The following HSPA4L variants were observed in gnomAD, a reference collection of about 807,000 sequenced individuals.
HSPA4L encodes heat shock protein family A (Hsp70) member 4 like.
A neutral mutation model predicts 100.3 loss-of-function variants in HSPA4L; 48 were observed. The ratio of observed to expected loss-of-function variants is 0.48; its 90% CI spans 0.38 to 0.61. The LOEUF (loss-of-function observed/expected upper bound fraction) is 0.61, where lower values mean the gene tolerates loss of function less well. Among genes scored for constraint, HSPA4L ranks in the 20% least tolerant of loss-of-function variants. The pLI, the probability that HSPA4L is intolerant of heterozygous loss-of-function variation, is 0.00. For synonymous variants in HSPA4L, 319 were observed against 328.2 expected, an observed-to-expected ratio of 0.97 and a Z score of 0.30; for missense variants, 886 against 988.6, an observed-to-expected ratio of 0.90 and a Z score of 1.39.
At chr4:127,808,230 G>A in intron 11 of HSPA4L, 101 bp downstream of exon 11, 2 of 953,374 alleles carry the variant, frequency 2.1e-6, no homozygotes. Flanking sequence ...AAGCCAGTAT[G>A]GGACTTTTAA....
chr4:127,803,513 A>G, intron 6 of HSPA4L, 116 bp from the exon 7 acceptor site: 1 of 1,003,014 alleles, frequency 1.0e-6, no homozygotes, highest in South Asian at 2.1e-5. Context: ...CTGTGATTGG[A>G]CAAGTTTTTT....
intron 1 of HSPA4L, among the ~76,000 whole-genome samples, chr4:127,786,321 C>A (rs1464782375): frequency 6.6e-6 from 1 of 152,094 alleles, no homozygotes; most frequent in Non-Finnish European, 1.5e-5. Context: ...ATGGCATATA[C>A]GTAACTAGGT....
At chr4:127,801,099 C>A in intron 4 of HSPA4L, 39 bp from the exon 5 acceptor site, 1 of 1,429,590 alleles carries the variant, frequency 7.0e-7, no homozygotes, top group Admixed American at 1.9e-5. Context: ...AAAATGTTTA[C>A]ATAAAACATT....
intron 13 of HSPA4L, among the ~76,000 whole-genome samples, chr4:127,819,166 G>C (rs2148795574): frequency 6.6e-6 from 1 of 152,146 alleles, no homozygotes; most frequent in East Asian, 1.9e-4. Flanking sequence ...ATTTTTCTAT[G>C]TGTAAAAATT....
At chr4:127,804,992 CT>C in intron 8 of HSPA4L, 80 bp from the exon 9 acceptor site, 1 of 849,626 alleles carries the variant, frequency 1.2e-6, no homozygotes, top group Non-Finnish European at 1.8e-6. Flanking sequence ...AGTCAATCCA[CT>C]TTTTAAAAAA....
intron 14 of HSPA4L, among the ~76,000 whole-genome samples, chr4:127,820,994 G>T (rs940581162): frequency 1.3e-5 from 2 of 151,898 alleles, no homozygotes; most frequent in Non-Finnish European, 2.9e-5. Flanking sequence ...TTTCTTACAT[G>T]TTCTTTTCTA....
chr4:127,790,806 A>G (rs1019376196), intron 1 of HSPA4L, among the ~76,000 whole-genome samples: 4 of 152,244 alleles, frequency 2.6e-5, no homozygotes, highest in Non-Finnish European at 4.4e-5. Context: ...CAATAAAAGC[A>G]TATGAGCTAC....
intron 17 of HSPA4L, 74 bp from the exon 18 acceptor site, chr4:127,830,564 A>G (rs1734052289): frequency 8.3e-7 from 1 of 1,209,994 alleles, no homozygotes. Flanking sequence ...AAATTTTTAA[A>G]GTAGAAATTA....
intron 12 of HSPA4L, chr4:127,813,234 C>T (rs575246902): frequency 2.1e-5 from 20 of 968,178 alleles, no homozygotes; most frequent in South Asian, 3.9e-5. Context: ...CGGTTCCAGC[C>T]GAAAGGCGAT....
intron 1 of HSPA4L, among the ~76,000 whole-genome samples, chr4:127,783,870 A>G (rs2148772435): frequency 6.6e-6 from 1 of 152,362 alleles, no homozygotes; most frequent in South Asian, 2.1e-4. Context: ...TTTCTTTCCA[A>G]GAAGATTCTA....
intron 12 of HSPA4L, among the ~76,000 whole-genome samples, chr4:127,815,408 G>A (rs1432770401): frequency 2.0e-5 from 3 of 151,726 alleles, no homozygotes; most frequent in Admixed American, 6.6e-5. Context: ...ATCAAGCCCC[G>A]GGTACTTTGG....
rs1315923086 is a variant in HSPA4L, at chr4:127,837,502, T to C, written c.*4628T>C. On this transcript the variant is annotated 3_prime_UTR_variant, in exon 19 of 19. Coordinates refer to ENST00000296464, the MANE Select transcript of HSPA4L (RefSeq NM_014278.4). Reference sequence around the variant, plus strand: ...TATTATCCTCTTACTACCTACAGTATGTTTTGCAAAAATCAGTCCACTTAG... The same window carrying C: ...TATTATCCTCTTACTACCTACAGTACGTTTTGCAAAAATCAGTCCACTTAG... 1 of 152,218 alleles carries C rather than the reference T, an allele frequency of 6.6e-6. No homozygotes were observed. The highest frequency in any genetic ancestry group is 6.5e-5 in the Admixed American group (1 of 15,286). The allele number at this position is 152,218 out of a possible 1,614,324, so 9.4% of individuals were successfully genotyped here.
intron 16 of HSPA4L, among the ~76,000 whole-genome samples, chr4:127,824,981 A>G (rs1465718170): frequency 6.6e-6 from 1 of 152,008 alleles, no homozygotes; most frequent in African/African-American, 2.4e-5. Flanking sequence ...CTAAAAAAAA[A>G]TACAAAAAAT....
At position 127,818,472 on chromosome 4, in the gene HSPA4L, T is replaced by G; in HGVS notation, c.1674+52T>G. 4 of 1,142,720 alleles carry G rather than the reference T, an allele frequency of 3.5e-6. No homozygotes were observed. In the East Asian group the frequency reaches 7.2e-5, roughly 20 times the overall value. The allele number at this position is 1,142,720 out of a possible 1,614,324, so 70.8% of individuals were successfully genotyped here. ...GTCTTTTTGAAATTGATATTTTGAA[T>G]TATTGTATTTAATGCTTTCTTTTAA... On this transcript the variant is annotated intron_variant, in intron 13 of 18. Coordinates refer to ENST00000296464, the MANE Select transcript of HSPA4L (RefSeq NM_014278.4).
At chr4:127,831,856 C>T (rs929764413) in intron 18 of HSPA4L, among the ~76,000 whole-genome samples, 16 of 149,514 alleles carry the variant, frequency 1.1e-4, no homozygotes, top group East Asian at 4.0e-4. Context: ...GATTTTTTTT[C>T]TTTTTTTTTA....
chr4:127,809,245 G>T, intron 11 of HSPA4L: 1 of 1,396,340 alleles, frequency 7.2e-7, no homozygotes, highest in Non-Finnish European at 1.0e-6. Flanking sequence ...GAGAAAAGAA[G>T]ACTACTTATG....
Position 127,820,463 on chromosome 4 carries a change from G to A in HSPA4L, c.1710G>A (p.Gln570=). 1 of 1,604,486 alleles carries A rather than the reference G, an allele frequency of 6.2e-7. No homozygotes were observed. Among genetic ancestry groups the A allele is most frequent in the African/African-American group, 1.3e-5 (1 of 74,330 alleles). The change falls in exon 14 of 19, where the codon CAG becomes CAA. Residue 570 remains glutamine, a synonymous_variant. Transcript: ENST00000296464. ...AVSDKQDRLN[Q]TLKKGKVKSI... ...CAGACAAACAAGACCGATTAAATCA[G>A]ACACTTAAAAAAGGAAAAGTCAAAA... is the stretch of plus-strand genomic sequence containing the variant.
chr4:127,805,838 T>C (rs769176639), intron 10 of HSPA4L, 45 bp downstream of exon 10: 2 of 1,329,288 alleles, frequency 1.5e-6, no homozygotes, highest in African/African-American at 1.5e-5. Context: ...CATAAATCTT[T>C]ACCCAGTTAA....
intron 1 of HSPA4L, among the ~76,000 whole-genome samples, chr4:127,787,238 A>G (rs1732744484): frequency 6.6e-6 from 1 of 152,220 alleles, no homozygotes; most frequent in African/African-American, 2.4e-5. Context: ...CAGCACATAG[A>G]AAATGCCAAA....
Sources: gnomAD v4.1 joint callset for allele counts (sites outside exome capture counted in the v4.1 genomes callset) on GRCh38, gnomAD v4.1.1 for gene constraint, MANE v1.5 for transcripts, NCBI Gene and HGNC (gene_info 2026-07-23, HGNC 2026-07-21) for gene names.